The following MPP7 variants were observed in gnomAD, a reference collection of about 807,000 sequenced individuals.
MPP7 encodes the protein MAGUK p55 subfamily member 7.
Under a neutral mutation model 76.5 loss-of-function variants are expected in MPP7, and 60 were observed. The ratio of observed to expected loss-of-function variants is 0.78; its 90% CI spans 0.64 to 0.97. MPP7 has a LOEUF of 0.97. MPP7 is among the 50% of genes least tolerant of loss of function. The probability of loss-of-function intolerance (pLI) is 0.00; values close to 1 mark genes in which losing one functional copy is unlikely to be tolerated. For synonymous variants in MPP7, 237 were observed against 244.5 expected, an observed-to-expected ratio of 0.97 and a Z score of 0.29; for missense variants, 641 against 694.0, an observed-to-expected ratio of 0.92 and a Z score of 0.86.
At chr10:28,133,237 T>C (rs761912074) in intron 5 of MPP7, among the ~76,000 whole-genome samples, 3 of 152,128 alleles carry the variant, frequency 2.0e-5, no homozygotes, top group Non-Finnish European at 4.4e-5. Flanking sequence ...GTAGCCAGAG[T>C]GATTATTTTA....
rs1053712778 is a variant in MPP7 at position 28,054,820 on chromosome 10, G to A, written c.1552-576C>T. ...GCCTCCCGAGTAGCTGGAATTACAG[G>A]AGCGTGCCGCCACACCTGGCTAATT... On this transcript the variant is annotated intron_variant, in intron 16 of 16. Transcript: ENST00000683449. Among the ~76,000 whole-genome samples, 8 of 152,094 alleles carry A rather than the reference G, an allele frequency of 5.3e-5. No homozygotes were observed. The East Asian group carries it at 1.4e-3, about 26-fold the overall frequency.
intron 12 of MPP7, among the ~76,000 whole-genome samples, chr10:28,085,800 T>C (rs930636068): frequency 6.6e-5 from 10 of 151,988 alleles, no homozygotes; most frequent in African/African-American, 2.4e-4. Context: ...GTCATTGCAA[T>C]AGGATTGATA....
chr10:28,299,911 C>T (rs537710904), intron 1 of MPP7, among the ~76,000 whole-genome samples: 1 of 152,048 alleles, frequency 6.6e-6, no homozygotes, highest in South Asian at 2.1e-4. Flanking sequence ...GGATTACAGG[C>T]GCCCACCACC....
intron 1 of MPP7, among the ~76,000 whole-genome samples, chr10:28,288,019 G>C (rs1040597825): frequency 2.6e-5 from 4 of 152,124 alleles, no homozygotes; most frequent in African/African-American, 9.7e-5. Context: ...CTACAGATGT[G>C]CCTGAGGTTG....
intron 2 of MPP7, among the ~76,000 whole-genome samples, chr10:28,324,322 A>G (rs76365425): frequency 0.014 from 2,130 of 152,338 alleles, 58 homozygotes; most frequent in African/African-American, 0.049. Flanking sequence ...TGGACTTCCC[A>G]GTCTCTATAA....
chr10:28,144,503 C>T (rs2133746929), intron 5 of MPP7, among the ~76,000 whole-genome samples: 1 of 152,262 alleles, frequency 6.6e-6, no homozygotes, highest in Middle Eastern at 3.4e-3. Flanking sequence ...CCCCTTCTTC[C>T]TTCGCAAGCC....
At position 28,125,090 on chromosome 10, in the gene MPP7, C is replaced by G. The variant is rs758414714; in HGVS notation, c.449G>C (p.Gly150Ala). ...CTGTTCATCCTTCTTAATGGTAGCT[C>G]CCTTTTAAGACAAAAACAAAAAGCA... is the stretch of plus-strand genomic sequence containing the variant. ...IRLVKNREPL[G>A]ATIKKDEQTG... The change falls in exon 7 of 17, where the codon GGA (glycine) becomes GCA (alanine). Residue 150 changes from glycine to alanine, a missense_variant and splice_region_variant. Physicochemically the swap from Gly to Ala is moderately conservative, Grantham distance 60 (BLOSUM62 0). Coordinates refer to ENST00000683449, the MANE Select transcript of MPP7 (RefSeq NM_001318170.2). The G allele has an allele frequency of 6.2e-7, 1 of 1,613,614 alleles. No homozygotes were observed. The highest frequency in any genetic ancestry group is 2.2e-5 in the East Asian group (1 of 44,842).
At chr10:28,213,662 C>G (rs1032333638) in intron 2 of MPP7, among the ~76,000 whole-genome samples, 3 of 151,728 alleles carry the variant, frequency 2.0e-5, no homozygotes, top group African/African-American at 7.3e-5. Flanking sequence ...TGTGGTGGCA[C>G]ATGCCTGTAA....
At chr10:28,142,029 G>C (rs565046251) in intron 5 of MPP7, among the ~76,000 whole-genome samples, 1 of 152,038 alleles carries the variant, frequency 6.6e-6, no homozygotes, top group South Asian at 2.1e-4. Context: ...TTCATACAGA[G>C]TGATAATTTC....
chr10:28,287,451 G>A (rs1840814776), intron 1 of MPP7, among the ~76,000 whole-genome samples: 1 of 152,172 alleles, frequency 6.6e-6, no homozygotes, highest in South Asian at 2.1e-4. Context: ...TTTGCAATGT[G>A]GAATATGGAG....
intron 3 of MPP7, among the ~76,000 whole-genome samples, chr10:28,171,628 T>C (rs941745061): frequency 2.6e-5 from 4 of 152,244 alleles, no homozygotes; most frequent in Non-Finnish European, 4.4e-5. Flanking sequence ...TAAAAGTTTA[T>C]GCTTGCAACC....
chr10:28,223,360 T>C (rs1838583665), intron 2 of MPP7, among the ~76,000 whole-genome samples: 1 of 152,200 alleles, frequency 6.6e-6, no homozygotes, highest in Admixed American at 6.5e-5. Context: ...AGGTGTGGCC[T>C]GCCAAACAAT....
chr10:28,117,871 C>T (rs1396640821), intron 11 of MPP7, among the ~76,000 whole-genome samples: 1 of 151,638 alleles, frequency 6.6e-6, no homozygotes. Context: ...AAATAAATAA[C>T]ATATATAAAA....
chr10:28,236,168 C>T (rs944340813), intron 2 of MPP7, among the ~76,000 whole-genome samples: 1 of 152,150 alleles, frequency 6.6e-6, no homozygotes, highest in Non-Finnish European at 1.5e-5. Flanking sequence ...TTTAACCACT[C>T]TGGAGGACAA....
At chr10:28,098,946 T>C (rs1373150602) in intron 11 of MPP7, among the ~76,000 whole-genome samples, 1 of 152,142 alleles carries the variant, frequency 6.6e-6, no homozygotes, top group Non-Finnish European at 1.5e-5. Flanking sequence ...TTTCGAAACT[T>C]ACAACCAAAC....
At chr10:28,238,048 T>A (rs1839135930) in intron 2 of MPP7, among the ~76,000 whole-genome samples, 2 of 152,120 alleles carry the variant, frequency 1.3e-5, no homozygotes. Context: ...TAACATAAAA[T>A]ATGTTTGTTT....
At position 28,052,434 on chromosome 10, in the gene MPP7, A is replaced by G. The variant is rs1851394371; in HGVS notation, c.*1631T>C. ...TCTGATTATCTATTTTGGTGTGACT[A>G]TGTGTCAAGGCCATTGGAGTGGTTT... is the stretch of plus-strand genomic sequence containing the variant. On this transcript the variant is annotated 3_prime_UTR_variant, in exon 17 of 17. Coordinates refer to ENST00000683449, the MANE Select transcript of MPP7 (RefSeq NM_001318170.2). 6.6e-6 allele frequency: 1 copy of G among 152,484 alleles called. No homozygotes were observed. Among genetic ancestry groups the G allele is most frequent in the Non-Finnish European group, 1.5e-5 (1 of 68,040 alleles). 9.4% of individuals were successfully genotyped at this position (152,484 alleles called of 1,614,324 possible). A position where few individuals can be genotyped will look rare whatever the true frequency, so the allele number is the denominator to read the frequency against.
At chr10:28,311,670 C>A (rs1052834337) in intron 2 of MPP7, among the ~76,000 whole-genome samples, 1 of 151,912 alleles carries the variant, frequency 6.6e-6, no homozygotes, top group Non-Finnish European at 1.5e-5. Flanking sequence ...ATTGCTTGAA[C>A]CCAAGAATTC....
At chr10:28,080,070 G>A (rs1463787810) in intron 12 of MPP7, among the ~76,000 whole-genome samples, 4 of 145,770 alleles carry the variant, frequency 2.7e-5, no homozygotes, top group Middle Eastern at 3.4e-3. Flanking sequence ...GGAGGGGGAG[G>A]GGGAGGGAGG....
Sources: allele counts gnomAD v4.1 joint callset (sites outside exome capture counted in the v4.1 genomes callset), GRCh38; gene constraint gnomAD v4.1.1; transcripts MANE v1.5; gene names NCBI Gene and HGNC (gene_info 2026-07-23, HGNC 2026-07-21).